Variants in EEFSEC observed in about 807,000 individuals in gnomAD.
The protein encoded by EEFSEC is selenocysteine-specific elongation factor.
A neutral mutation model predicts 42.1 loss-of-function variants in EEFSEC; 43 were observed. That is an observed-to-expected ratio of 1.02 (90% CI 0.80 to 1.32). The LOEUF (loss-of-function observed/expected upper bound fraction) is 1.32. Among genes scored for constraint, EEFSEC ranks in the 40% most tolerant of loss-of-function variants. The pLI is 0.00. For missense variants in EEFSEC, 745 were observed against 803.6 expected (o/e 0.93, Z 0.88); for synonymous variants, 354 against 339.1 (o/e 1.04, Z -0.48).
chr3:128,283,977 T>A (rs962321007), intron 4 of EEFSEC, among the ~76,000 whole-genome samples: 2 of 152,250 alleles, frequency 1.3e-5, no homozygotes, highest in African/African-American at 4.8e-5. Flanking sequence ...GAGGTACATG[T>A]ACCCTTCCCC....
rs547438360 is a variant in EEFSEC at position 128,250,952 on chromosome 3, C to T, written c.524+3909C>T. 1.2e-4 allele frequency among the ~76,000 whole-genome samples: 6 copies of T among 49,066 alleles called. No homozygotes were observed. The East Asian group carries it at 4.0e-3, about 33-fold the overall frequency. 32.2% of individuals were successfully genotyped at this position (49,066 alleles called of 152,430 possible). On this transcript the variant is annotated intron_variant, in intron 2 of 6. Transcript: ENST00000254730. ...TTTAGCAATGTTTTGTAGTTTTTAG[C>T]GTACAAGGCTTTTGTCTCTTCGATT...
intron 1 of EEFSEC, among the ~76,000 whole-genome samples, chr3:128,164,331 G>A (rs2065223756): frequency 6.6e-6 from 1 of 152,228 alleles, no homozygotes; most frequent in Non-Finnish European, 1.5e-5. Context: ...TTTAAGATGT[G>A]GAGTGGTAAG....
rs60697882 is a variant in EEFSEC, at chr3:128,297,823, T to C, written c.786+33042T>C. 1.7e-3 allele frequency among the ~76,000 whole-genome samples: 262 copies of C among 152,318 alleles called. 1 individual carries two copies. The highest frequency in any genetic ancestry group is 6.1e-3 in the African/African-American group (252 of 41,572). On this transcript the variant is annotated intron_variant, in intron 4 of 6. Coordinates refer to ENST00000254730, the MANE Select transcript of EEFSEC (RefSeq NM_021937.5). ...AAGCTACTCTCACCACACTCCTAAATCTTAGGTTCAAACTAGGTAGTTGTC... is the reference window on the plus strand; with the variant it reads ...AAGCTACTCTCACCACACTCCTAAACCTTAGGTTCAAACTAGGTAGTTGTC...
At chr3:128,335,120 G>A (rs2067176040) in intron 4 of EEFSEC, among the ~76,000 whole-genome samples, 3 of 152,268 alleles carry the variant, frequency 2.0e-5, no homozygotes, top group Admixed American at 2.0e-4. Context: ...ATGTGGCTTG[G>A]CTCCTTTCAG....
intron 1 of EEFSEC, among the ~76,000 whole-genome samples, chr3:128,217,670 G>A (rs1239563670): frequency 6.6e-6 from 1 of 152,070 alleles, no homozygotes; most frequent in East Asian, 1.9e-4. Context: ...GAGCACCTGG[G>A]GCATAGCACC....
chr3:128,304,460 G>A (rs2066804759), intron 4 of EEFSEC, among the ~76,000 whole-genome samples: 1 of 151,882 alleles, frequency 6.6e-6, no homozygotes, highest in South Asian at 2.1e-4. Flanking sequence ...AATAGCTGTT[G>A]ATTTTAAAAT....
chr3:128,222,779 GA>G (rs1165976406), intron 1 of EEFSEC, among the ~76,000 whole-genome samples: 1 of 152,332 alleles, frequency 6.6e-6, no homozygotes, highest in East Asian at 1.9e-4. Context: ...GGAAGGAAGG[GA>G]CAGGAATATA....
At chr3:128,268,748 G>A (rs749814582) in intron 4 of EEFSEC, among the ~76,000 whole-genome samples, 28 of 152,190 alleles carry the variant, frequency 1.8e-4, no homozygotes, top group Middle Eastern at 6.8e-3. Context: ...GTTGCCGGAA[G>A]CCCCCAGAAG....
intron 2 of EEFSEC, among the ~76,000 whole-genome samples, chr3:128,249,378 T>C (rs1242948021): frequency 2.0e-5 from 3 of 152,248 alleles, no homozygotes; most frequent in Non-Finnish European, 2.9e-5. Flanking sequence ...TTTTTAACTA[T>C]GTGTAGTATT....
In EEFSEC at chr3:128,352,019, G is replaced by C. The variant is rs566738894; in HGVS notation, c.1444-6198G>C. Among the ~76,000 whole-genome samples the C allele has an allele frequency of 5.3e-5, 8 of 152,326 alleles. No individual in the cohort carries two copies. In the South Asian group the frequency reaches 1.7e-3, roughly 32 times the overall value. Reference sequence around the variant, plus strand: ...AAAACCCTCCAACTGTTCTCTGAAGGTCTTTCCTCATTGGATGTGCTTGTG... The same window carrying C: ...AAAACCCTCCAACTGTTCTCTGAAGCTCTTTCCTCATTGGATGTGCTTGTG... On this transcript the variant is annotated intron_variant, in intron 5 of 6. Transcript: ENST00000254730.
At chr3:128,294,770 T>C (rs2066684213) in intron 4 of EEFSEC, among the ~76,000 whole-genome samples, 1 of 152,220 alleles carries the variant, frequency 6.6e-6, no homozygotes, top group Non-Finnish European at 1.5e-5. Context: ...GGAAACAGCA[T>C]ATGCAAGGAT....
chr3:128,173,093 T>G (rs938271535), intron 1 of EEFSEC, among the ~76,000 whole-genome samples: 1 of 152,228 alleles, frequency 6.6e-6, no homozygotes, highest in African/African-American at 2.4e-5. Context: ...CTGGGTGGCC[T>G]TCATGTTTGC....
intron 1 of EEFSEC, among the ~76,000 whole-genome samples, chr3:128,174,964 CAAAG>C (rs960085679): frequency 1.3e-5 from 2 of 152,066 alleles, no homozygotes; most frequent in Admixed American, 1.3e-4. Flanking sequence ...TTTTTTAAGG[CAAAG>C]AAGAGGGAAA....
chr3:128,250,010 A>G (rs968933981), intron 2 of EEFSEC, among the ~76,000 whole-genome samples: 1 of 152,270 alleles, frequency 6.6e-6, no homozygotes, highest in Non-Finnish European at 1.5e-5. Flanking sequence ...AATGATATTG[A>G]GCATCTTTTC....
intron 1 of EEFSEC, among the ~76,000 whole-genome samples, chr3:128,188,344 G>T (rs2065485436): frequency 6.6e-6 from 1 of 152,098 alleles, no homozygotes; most frequent in South Asian, 2.1e-4. Context: ...CATGATGAGG[G>T]CTGGCAGGCA....
intron 4 of EEFSEC, among the ~76,000 whole-genome samples, chr3:128,289,007 G>A (rs565109245): frequency 3.9e-5 from 6 of 152,272 alleles, no homozygotes; most frequent in South Asian, 4.2e-4. Context: ...TTAGAGTATC[G>A]CTATCTCTGA....
At chr3:128,394,446 T>C (rs77368021) in intron 6 of EEFSEC, among the ~76,000 whole-genome samples, 1 of 151,868 alleles carries the variant, frequency 6.6e-6, no homozygotes, top group African/African-American at 2.4e-5. Context: ...ACGGTTTTTT[T>C]CCCCCACCAA....
chr3:128,229,089 C>T (rs762708890), intron 1 of EEFSEC, among the ~76,000 whole-genome samples: 1 of 152,162 alleles, frequency 6.6e-6, no homozygotes, highest in Non-Finnish European at 1.5e-5. Flanking sequence ...GGAAAATCCC[C>T]ACTAGAGAGA....
intron 1 of EEFSEC, among the ~76,000 whole-genome samples, chr3:128,174,815 G>T (rs1265090724): frequency 6.6e-6 from 1 of 152,180 alleles, no homozygotes; most frequent in African/African-American, 2.4e-5. Context: ...TGCACTGCAG[G>T]CTTGGCACCA....
Sources: allele counts gnomAD v4.1 joint callset (sites outside exome capture counted in the v4.1 genomes callset), GRCh38; gene constraint gnomAD v4.1.1; transcripts MANE v1.5; gene names NCBI Gene and HGNC (gene_info 2026-07-23, HGNC 2026-07-21).